Variants in EVA1A observed in about 807,000 individuals in gnomAD.
EVA1A encodes the protein eva-1 homolog A, regulator of programmed cell death.
EVA1A carries 7 observed loss-of-function variants against 9.8 expected under a neutral mutation model. The ratio of observed to expected loss-of-function variants is 0.71; its 90% CI spans 0.41 to 1.34. EVA1A has a LOEUF of 1.34. EVA1A is among the 40% of genes most tolerant of loss of function. The pLI is 0.01. For missense variants in EVA1A, 206 were observed against 205.9 expected (o/e 1.00, Z 0.00); for synonymous variants, 90 against 85.6 (o/e 1.05, Z -0.28).
chr2:75,543,480 C>T (rs1345631287), intron 1 of EVA1A, among the ~76,000 whole-genome samples: 1 of 151,820 alleles, frequency 6.6e-6, no homozygotes, highest in East Asian at 1.9e-4. Flanking sequence ...AGAACAAGCA[C>T]AGGGACCCAG....
intron 1 of EVA1A, among the ~76,000 whole-genome samples, chr2:75,546,694 C>T (rs1676341339): frequency 6.6e-6 from 1 of 151,958 alleles, no homozygotes; most frequent in African/African-American, 2.4e-5. Flanking sequence ...TGTCTTTTCC[C>T]CTAAAAATAT....
At chr2:75,535,945 A>T (rs2103916330) in intron 1 of EVA1A, among the ~76,000 whole-genome samples, 1 of 152,290 alleles carries the variant, frequency 6.6e-6, no homozygotes, top group East Asian at 1.9e-4. Context: ...AATGTTTTTA[A>T]AAAAAACCAT....
At chr2:75,507,989 C>T (rs958400135) in intron 3 of EVA1A, among the ~76,000 whole-genome samples, 1 of 152,156 alleles carries the variant, frequency 6.6e-6, no homozygotes, top group Non-Finnish European at 1.5e-5. Context: ...ATTTCTTATG[C>T]CTCTCTTTAC....
intron 1 of EVA1A, among the ~76,000 whole-genome samples, chr2:75,550,719 T>C (rs1167431979): frequency 6.6e-6 from 1 of 152,202 alleles, no homozygotes; most frequent in African/African-American, 2.4e-5. Flanking sequence ...ACTATCAACA[T>C]GGAAGCCATC....
chr2:75,558,710 A>G (rs1465746364), intron 1 of EVA1A: 1 of 152,268 alleles, frequency 6.6e-6, no homozygotes, highest in African/African-American at 2.4e-5. Flanking sequence ...CTAGAATACC[A>G]AAAGAATAGT....
intron 1 of EVA1A, among the ~76,000 whole-genome samples, chr2:75,541,500 T>G (rs1283540541): frequency 6.6e-6 from 1 of 152,188 alleles, no homozygotes; most frequent in Non-Finnish European, 1.5e-5. Flanking sequence ...TATGCCCTCA[T>G]GGGGTCAGGG....
At chr2:75,542,623 C>G (rs914159732) in intron 1 of EVA1A, 2 of 152,464 alleles carry the variant, frequency 1.3e-5, no homozygotes, top group African/African-American at 4.8e-5. Context: ...CTGATCCTCT[C>G]CTGCGTGCAT....
intron 3 of EVA1A, among the ~76,000 whole-genome samples, chr2:75,510,140 C>G (rs1337888115): frequency 6.6e-6 from 1 of 152,102 alleles, no homozygotes; most frequent in Non-Finnish European, 1.5e-5. Context: ...ATGTGATTAT[C>G]AGGGGCATGA....
intron 1 of EVA1A, among the ~76,000 whole-genome samples, chr2:75,567,794 C>T (rs982586219): frequency 3.1e-4 from 47 of 152,266 alleles, no homozygotes; most frequent in African/African-American, 1.0e-3. Flanking sequence ...CCAGTGTCCG[C>T]GACCAGCAAC....
At chr2:75,550,573 C>G (rs1340590216) in intron 1 of EVA1A, among the ~76,000 whole-genome samples, 1 of 152,184 alleles carries the variant, frequency 6.6e-6, no homozygotes. Flanking sequence ...ACTGAACGCA[C>G]CTGAATTTGA....
intron 1 of EVA1A, among the ~76,000 whole-genome samples, chr2:75,537,947 C>T (rs1396576653): frequency 6.6e-6 from 1 of 152,138 alleles, no homozygotes; most frequent in Non-Finnish European, 1.5e-5. Flanking sequence ...CTTTATATTA[C>T]CCAGCCTCAG....
intron 3 of EVA1A, among the ~76,000 whole-genome samples, chr2:75,515,592 C>A (rs999658044): frequency 1.3e-5 from 2 of 152,122 alleles, no homozygotes; most frequent in African/African-American, 4.8e-5. Flanking sequence ...AATCCAGAGA[C>A]CATCAGGCAA....
intron 3 of EVA1A, among the ~76,000 whole-genome samples, chr2:75,498,051 T>C (rs1301417000): frequency 6.6e-6 from 1 of 151,998 alleles, no homozygotes; most frequent in African/African-American, 2.4e-5. Context: ...ACTAGCACTA[T>C]TCACAATAGC....
At chr2:75,539,012 G>A (rs1218695708) in intron 1 of EVA1A, among the ~76,000 whole-genome samples, 1 of 152,102 alleles carries the variant, frequency 6.6e-6, no homozygotes, top group African/African-American at 2.4e-5. Flanking sequence ...AATGGAATAT[G>A]GGAGCTCTGC....
intron 1 of EVA1A, among the ~76,000 whole-genome samples, chr2:75,551,309 G>T (rs1558692032): frequency 6.6e-6 from 1 of 151,960 alleles, no homozygotes; most frequent in Non-Finnish European, 1.5e-5. Context: ...TTGTTCATTA[G>T]CTCCCCTCAT....
At chr2:75,566,736 C>G (rs958419484) in intron 1 of EVA1A, among the ~76,000 whole-genome samples, 4 of 152,072 alleles carry the variant, frequency 2.6e-5, no homozygotes, top group African/African-American at 9.7e-5. Flanking sequence ...ATTTCTCTAG[C>G]CAGTTGCTGC....
chr2:75,523,300 T>G (rs758015774), intron 1 of EVA1A, among the ~76,000 whole-genome samples: 1 of 152,134 alleles, frequency 6.6e-6, no homozygotes, highest in Non-Finnish European at 1.5e-5. Flanking sequence ...ACTGGAAGCA[T>G]GGGATGGGTA....
intron 1 of EVA1A, among the ~76,000 whole-genome samples, chr2:75,530,355 C>G (rs1226397528): frequency 6.6e-6 from 1 of 152,062 alleles, no homozygotes; most frequent in Non-Finnish European, 1.5e-5. Context: ...ATTGCTAAAA[C>G]TATTCCAAAA....
intron 1 of EVA1A, chr2:75,541,706 C>T (rs956681006): frequency 2.0e-5 from 3 of 152,930 alleles, no homozygotes; most frequent in Non-Finnish European, 4.4e-5. Context: ...AGTTCATTCC[C>T]CCAGCTTACC....
Sources: allele counts gnomAD v4.1 joint callset (sites outside exome capture counted in the v4.1 genomes callset), GRCh38; gene constraint gnomAD v4.1.1; transcripts MANE v1.5; gene names NCBI Gene and HGNC (gene_info 2026-07-23, HGNC 2026-07-21).